The following AP4E1 variants were observed in gnomAD, a reference collection of about 807,000 sequenced individuals.
The protein encoded by AP4E1 is AP-4 complex subunit epsilon-1.
Under a neutral mutation model 128.2 loss-of-function variants are expected in AP4E1, and 56 were observed. That is an observed-to-expected ratio of 0.44 (90% confidence interval 0.35 to 0.55). AP4E1 has a LOEUF of 0.55. Ranked by LOEUF, AP4E1 falls within the 20% of genes least tolerant of loss-of-function variation. The probability of loss-of-function intolerance (pLI) is 0.00; values close to 1 mark genes in which losing one functional copy is unlikely to be tolerated. For synonymous variants in AP4E1, 484 were observed against 473.1 expected, an observed-to-expected ratio of 1.02 and a Z score of -0.30; for missense variants, 1,324 against 1,307.7, an observed-to-expected ratio of 1.01 and a Z score of -0.19.
intron 11 of AP4E1, among the ~76,000 whole-genome samples, chr15:50,949,565 T>C (rs1447459621): frequency 6.6e-6 from 1 of 152,206 alleles, no homozygotes; most frequent in Non-Finnish European, 1.5e-5. Flanking sequence ...TTTCAGTTAT[T>C]TCACATTTAT....
chr15:50,964,697 G>A (rs2064363047), intron 14 of AP4E1, among the ~76,000 whole-genome samples: 1 of 151,804 alleles, frequency 6.6e-6, no homozygotes, highest in Non-Finnish European at 1.5e-5. Context: ...ATTCTGGATG[G>A]GCACAGTAGT....
At chr15:50,948,401 G>C (rs1166080634) in intron 11 of AP4E1, among the ~76,000 whole-genome samples, 1 of 147,666 alleles carries the variant, frequency 6.8e-6, no homozygotes, top group African/African-American at 2.5e-5. Flanking sequence ...TGAGCAGGAA[G>C]ATAGAGGAAC....
rs144932744 is a variant in AP4E1, at chr15:50,924,552, TAGAG to T, written c.421-538_421-535del. The stretch of plus-strand genomic sequence containing the variant: ...TTTTTATCTTGTGTCAGTTTTTTGA[TAGAG>T]AGAGAGAACAGTATTTTCTGACCTT... On this transcript the variant is annotated intron_variant, in intron 4 of 20. Coordinates refer to ENST00000261842, the MANE Select transcript of AP4E1 (RefSeq NM_007347.5). 3.5e-3 allele frequency among the ~76,000 whole-genome samples: 538 copies of T among 152,226 alleles called. 3 individuals are homozygous for T. The highest frequency in any genetic ancestry group is 0.012 in the African/African-American group (500 of 41,568).
At chr15:50,961,236 C>T (rs2064308538) in intron 14 of AP4E1, among the ~76,000 whole-genome samples, 1 of 151,860 alleles carries the variant, frequency 6.6e-6, no homozygotes. Context: ...AAGAGGAGGA[C>T]ATTCTTCCTA....
intron 15 of AP4E1, among the ~76,000 whole-genome samples, chr15:50,983,615 T>C (rs975332243): frequency 2.0e-5 from 3 of 152,230 alleles, no homozygotes; most frequent in African/African-American, 4.8e-5. Flanking sequence ...TCAATCCATT[T>C]GGTACGAGAA....
At chr15:50,983,601 T>C (rs1225000691) in intron 15 of AP4E1, among the ~76,000 whole-genome samples, 1 of 152,198 alleles carries the variant, frequency 6.6e-6, no homozygotes, top group Non-Finnish European at 1.5e-5. Context: ...CGTTGAGGAC[T>C]CTATCAATCC....
At chr15:50,990,360 T>TTATTATTATTAC (rs2064788885) in intron 16 of AP4E1, among the ~76,000 whole-genome samples, 1 of 147,444 alleles carries the variant, frequency 6.8e-6, no homozygotes, top group African/African-American at 2.5e-5. Flanking sequence ...ATTATTATTA[T>TTATTATTATTAC]TATTATTATT....
At chr15:50,910,330 C>T (rs2063550314) in intron 1 of AP4E1, among the ~76,000 whole-genome samples, 1 of 152,170 alleles carries the variant, frequency 6.6e-6, no homozygotes, top group Non-Finnish European at 1.5e-5. Context: ...TACCGATTCA[C>T]AGCTACAAGG....
At chr15:50,949,756 A>C in intron 11 of AP4E1, 70 bp from the exon 12 acceptor site, 1 of 1,200,810 alleles carries the variant, frequency 8.3e-7, no homozygotes. Flanking sequence ...ATTTTTTAAA[A>C]GATTGCTACA....
chr15:50,937,061 G>A (rs1054171051), intron 8 of AP4E1, among the ~76,000 whole-genome samples: 1 of 152,020 alleles, frequency 6.6e-6, no homozygotes, highest in Non-Finnish European at 1.5e-5. Flanking sequence ...CCTTTGTTTA[G>A]CTTTTCATTG....
chr15:50,995,649 G>A (rs2064859044), intron 17 of AP4E1, among the ~76,000 whole-genome samples: 1 of 152,030 alleles, frequency 6.6e-6, no homozygotes. Flanking sequence ...GCCTCCCAAA[G>A]TGTTGGGATT....
chr15:50,981,783 G>T (rs773833155), intron 15 of AP4E1, among the ~76,000 whole-genome samples: 2 of 152,048 alleles, frequency 1.3e-5, no homozygotes, highest in Non-Finnish European at 2.9e-5. Context: ...ATGGGAGTGG[G>T]TCATTAAAAA....
At chr15:50,940,848 A>G (rs1391478301) in intron 8 of AP4E1, among the ~76,000 whole-genome samples, 1 of 152,146 alleles carries the variant, frequency 6.6e-6, no homozygotes, top group Non-Finnish European at 1.5e-5. Flanking sequence ...CCAGTAGATT[A>G]TTTTATGTGC....
Position 50,984,087 on chromosome 15 carries a change from G to C in AP4E1, c.2032G>C (p.Ala678Pro). Residue 678 changes from alanine (A) to proline (P), a missense_variant, in exon 16 of 21, where the codon GCT becomes CCT. Physicochemically the swap from Ala to Pro is conservative, Grantham distance 27. Transcript: ENST00000261842. ...TGGCTTCACTGGACGACAGTCTCCT[G>C]CTGGCATTTCTCTTGGTTCAGATGT... ...SSGFTGRQSP[A>P]GISLGSDVSG... 1 of 1,613,442 alleles carries C rather than the reference G, an allele frequency of 6.2e-7. No individual in the cohort carries two copies. The highest frequency in any genetic ancestry group is 1.1e-5 in the South Asian group (1 of 91,064).
At position 51,005,529 on chromosome 15, in the gene AP4E1, A is replaced by C. The variant is rs906070499; in HGVS notation, c.*2867A>C. The C allele has an allele frequency of 6.5e-6, 1 of 152,672 alleles. No homozygotes were observed. Among genetic ancestry groups the C allele is most frequent in the Non-Finnish European group, 1.5e-5 (1 of 68,058 alleles). 9.5% of individuals were successfully genotyped at this position (152,672 alleles called of 1,614,324 possible). A position where few individuals can be genotyped will look rare whatever the true frequency, so the allele number is the denominator to read the frequency against. On this transcript the variant is annotated 3_prime_UTR_variant, in exon 21 of 21. Transcript: ENST00000261842. The stretch of plus-strand genomic sequence containing the variant: ...GTTACCAACTGCTAATGTGCCAAGT[A>C]TACCAAGCACAGCATGTGTCCTGTA...
intron 10 of AP4E1, chr15:50,945,504 T>C: frequency 8.0e-6 from 6 of 754,024 alleles, no homozygotes; most frequent in Non-Finnish European, 1.2e-5. Context: ...ATATGGATCA[T>C]GTATCTGCAG....
chr15:50,968,043 C>T (rs1482879924), intron 14 of AP4E1, among the ~76,000 whole-genome samples: 2 of 152,222 alleles, frequency 1.3e-5, no homozygotes, highest in Non-Finnish European at 2.9e-5. Context: ...TGGTCTCAAA[C>T]TCCTGGCCTC....
chr15:50,984,039 T>C lies in AP4E1; in HGVS notation c.1984T>C (p.Tyr662His), dbSNP rs1171557600. ...AATTCTAGTTCTCAATTTTGAACCA[T>C]ATGGACTCTCCTTTTCTTCATCTGG... is the stretch of plus-strand genomic sequence containing the variant. The part of the protein sequence containing the change: ...SQEKVLNFEP[Y>H]GLSFSSSGFT... Residue 662 changes from tyrosine (Y) to histidine (H), a missense_variant, in exon 16 of 21, where the codon TAT (tyrosine) becomes CAT (histidine). Tyr to His is a moderately conservative substitution (Grantham distance 83). Coordinates refer to ENST00000261842, the MANE Select transcript of AP4E1 (RefSeq NM_007347.5). 2.5e-6 allele frequency: 4 copies of C among 1,613,176 alleles called. No homozygotes were observed. The highest frequency in any genetic ancestry group is 3.4e-6 in the Non-Finnish European group (4 of 1,179,312).
Position 50,911,936 on chromosome 15 carries a change from C to T in AP4E1, c.151-142C>T, listed in dbSNP as rs3816717. The T allele has an allele frequency of 0.2, 146,604 of 718,426 alleles. 15,373 individuals are homozygous for T. The highest frequency in any genetic ancestry group is 0.24 in the South Asian group (14,152 of 59,360). The allele number at this position is 718,426 out of a possible 1,614,324, so 44.5% of individuals were successfully genotyped here. ...GAAATGCCTTTAGATAGATCGTAAG[C>T]AGATAGTATTTGTAACTCTCCTTTA... On this transcript the variant is annotated intron_variant, in intron 1 of 20. Transcript: ENST00000261842.
Sources: gnomAD v4.1 joint callset for allele counts (sites outside exome capture counted in the v4.1 genomes callset) on GRCh38, gnomAD v4.1.1 for gene constraint, MANE v1.5 for transcripts, NCBI Gene and HGNC (gene_info 2026-07-23, HGNC 2026-07-21) for gene names.